The following CTNNA2 variants were observed in gnomAD, a reference collection of about 807,000 sequenced individuals.
CTNNA2 encodes catenin alpha 2, also known as catenin alpha-2.
In CTNNA2, 42 loss-of-function variants were observed where a neutral mutation model predicts 101.0. That is an observed-to-expected ratio of 0.42 (90% CI 0.32 to 0.54). CTNNA2 has a LOEUF of 0.54. Among genes scored for constraint, CTNNA2 ranks in the 20% least tolerant of loss-of-function variants. The pLI, the probability that CTNNA2 is intolerant of heterozygous loss-of-function variation, is 0.14. For missense variants in CTNNA2, 871 were observed against 1,223.1 expected (o/e 0.71, Z 4.29); for synonymous variants, 450 against 456.4 (o/e 0.99, Z 0.18).
intron 7 of CTNNA2, among the ~76,000 whole-genome samples, chr2:80,199,389 T>G (rs1322373653): frequency 6.6e-6 from 1 of 152,168 alleles, no homozygotes; most frequent in Non-Finnish European, 1.5e-5. Flanking sequence ...CTTTAGGATT[T>G]TGTGTGCTGT....
intron 7 of CTNNA2, chr2:80,313,716 A>T (rs1417808992): frequency 8.0e-7 from 1 of 1,249,998 alleles, no homozygotes; most frequent in East Asian, 2.5e-5. Flanking sequence ...AAAGACTTTC[A>T]ACTAGAAATA....
At chr2:79,277,280 T>C (rs956928726) in intron 2 of CTNNA2, among the ~76,000 whole-genome samples, 9 of 152,128 alleles carry the variant, frequency 5.9e-5, no homozygotes, top group African/African-American at 9.7e-5. Context: ...ATCTTTCTTA[T>C]CTTTTTGAAT....
intron 7 of CTNNA2, among the ~76,000 whole-genome samples, chr2:80,206,336 G>C (rs1707531113): frequency 6.6e-6 from 1 of 152,178 alleles, no homozygotes; most frequent in Non-Finnish European, 1.5e-5. Flanking sequence ...TAGCCTTGCT[G>C]GGGAGAGGTA....
At chr2:80,120,826 G>T (rs1701789097) in intron 7 of CTNNA2, among the ~76,000 whole-genome samples, 1 of 152,136 alleles carries the variant, frequency 6.6e-6, no homozygotes, top group Non-Finnish European at 1.5e-5. Flanking sequence ...TGGTGGGATG[G>T]TTGGTTCAGA....
intron 2 of CTNNA2, among the ~76,000 whole-genome samples, chr2:79,244,818 T>C (rs1674678776): frequency 6.6e-6 from 1 of 152,168 alleles, no homozygotes; most frequent in South Asian, 2.1e-4. Context: ...AATCAGGCAG[T>C]GCACAGTGGC....
intron 4 of CTNNA2, among the ~76,000 whole-genome samples, chr2:79,479,449 A>G (rs1471079249): frequency 6.6e-6 from 1 of 152,218 alleles, no homozygotes; most frequent in African/African-American, 2.4e-5. Flanking sequence ...TCAGAATGTT[A>G]TATCTATTGC....
chr2:79,927,590 A>G (rs1687110122), intron 7 of CTNNA2, among the ~76,000 whole-genome samples: 1 of 152,220 alleles, frequency 6.6e-6, no homozygotes, highest in African/African-American at 2.4e-5. Context: ...AGATGTATTT[A>G]TCAATTATTC....
chr2:79,194,321 C>A (rs914978157), intron 1 of CTNNA2, among the ~76,000 whole-genome samples: 13 of 152,136 alleles, frequency 8.5e-5, no homozygotes, highest in African/African-American at 3.1e-4. Flanking sequence ...CAAGAAGGTG[C>A]ATCTACCAAG....
chr2:79,917,027 A>C (rs1313115893), intron 7 of CTNNA2, among the ~76,000 whole-genome samples: 1 of 151,610 alleles, frequency 6.6e-6, no homozygotes, highest in Non-Finnish European at 1.5e-5. Context: ...GCTCACTGAA[A>C]CCTCCGCCTC....
At chr2:80,495,939 C>CAAAAAAAAAAAAAAAAAA (rs60582703) in intron 9 of CTNNA2, among the ~76,000 whole-genome samples, 6 of 35,772 alleles carry the variant, frequency 1.7e-4, no homozygotes, top group East Asian at 9.3e-4. Context: ...GACTCTGTCT[C>CAAAAAAAAAAAAAAAAAA]AAAAAAAAAA....
intron 4 of CTNNA2, among the ~76,000 whole-genome samples, chr2:79,474,451 G>C (rs917855810): frequency 1.3e-5 from 2 of 152,106 alleles, no homozygotes; most frequent in Non-Finnish European, 2.9e-5. Flanking sequence ...GAAAGGCAAA[G>C]CATATGTGAA....
intron 7 of CTNNA2, among the ~76,000 whole-genome samples, chr2:79,944,012 C>T (rs1343501874): frequency 6.6e-6 from 1 of 152,112 alleles, no homozygotes; most frequent in Non-Finnish European, 1.5e-5. Context: ...AATTTTTCTT[C>T]CCTTGTGTCT....
At chr2:80,013,663 C>G (rs1693936877) in intron 7 of CTNNA2, among the ~76,000 whole-genome samples, 2 of 152,206 alleles carry the variant, frequency 1.3e-5, no homozygotes, top group Non-Finnish European at 2.9e-5. Flanking sequence ...GTAATTTACC[C>G]AGTCATTTCA....
At chr2:80,242,138 C>T (rs546231342) in intron 7 of CTNNA2, among the ~76,000 whole-genome samples, 2 of 152,260 alleles carry the variant, frequency 1.3e-5, no homozygotes, top group East Asian at 1.9e-4. Flanking sequence ...ATACCAAGTA[C>T]AACTGAGACT....
intron 7 of CTNNA2, among the ~76,000 whole-genome samples, chr2:80,287,702 G>A (rs1674895045): frequency 6.6e-6 from 1 of 152,126 alleles, no homozygotes; most frequent in Admixed American, 6.5e-5. Flanking sequence ...GCATCACACA[G>A]CTGTTGTTCG....
intron 1 of CTNNA2, among the ~76,000 whole-genome samples, chr2:79,616,305 C>T (rs1463624460): frequency 6.6e-6 from 1 of 151,982 alleles, no homozygotes. Flanking sequence ...ATCCTAAAAT[C>T]ATTATGCATA....
At chr2:79,911,119 A>T (rs2974179) in intron 7 of CTNNA2, among the ~76,000 whole-genome samples, 2 of 152,008 alleles carry the variant, frequency 1.3e-5, no homozygotes, top group Non-Finnish European at 2.9e-5. Flanking sequence ...TGTAATTTTG[A>T]TCCATGGTAT....
At chr2:80,608,383 T>C (rs1698196048) in intron 17 of CTNNA2, 65 bp downstream of exon 17, 12 of 1,562,662 alleles carry the variant, frequency 7.7e-6, no homozygotes, top group African/African-American at 2.7e-5. Flanking sequence ...CAAACATTCT[T>C]GGCAACAGTA....
At chr2:79,962,199 C>T (rs1465060589) in intron 7 of CTNNA2, among the ~76,000 whole-genome samples, 3 of 152,198 alleles carry the variant, frequency 2.0e-5, no homozygotes, top group Admixed American at 6.5e-5. Context: ...TTTTATTTCT[C>T]ACAGATCTGG....
Sources: allele counts gnomAD v4.1 joint callset (sites outside exome capture counted in the v4.1 genomes callset), GRCh38; gene constraint gnomAD v4.1.1; transcripts MANE v1.5; gene names NCBI Gene and HGNC (gene_info 2026-07-23, HGNC 2026-07-21).